The following TEX101 variants were observed in gnomAD, a reference collection of about 807,000 sequenced individuals.
TEX101 encodes testis expressed 101, also known as testis-expressed protein 101.
In TEX101, 10 loss-of-function variants were observed where a neutral mutation model predicts 18.1. The observed-to-expected ratio is 0.55, with a 90% confidence interval of 0.34 to 0.94. The LOEUF is 0.94. Ranked by LOEUF, TEX101 falls within the 40% of genes least tolerant of loss-of-function variation. The pLI is 0.02. For synonymous variants in TEX101, 94 were observed against 114.8 expected (o/e 0.82, Z 1.16); for missense variants, 259 against 298.9 (o/e 0.87, Z 0.98).
At chr19:43,406,677 G>A (rs1970366891) in intron 3 of TEX101, among the ~76,000 whole-genome samples, 1 of 152,170 alleles carries the variant, frequency 6.6e-6, no homozygotes. Context: ...GGGAGACTGG[G>A]ACACACGTCT....
upstream of TEX101, among the ~76,000 whole-genome samples, chr19:43,410,463 G>A (rs1970408676): frequency 6.6e-6 from 1 of 152,108 alleles, no homozygotes; most frequent in South Asian, 2.1e-4. Flanking sequence ...CAAGACCAGT[G>A]TGGGAGGTTG....
At chr19:43,414,013 A>G (rs992363052), upstream of TEX101, among the ~76,000 whole-genome samples, 1 of 151,836 alleles carries the variant, frequency 6.6e-6, no homozygotes, top group Non-Finnish European at 1.5e-5. Flanking sequence ...AATCCCAGCT[A>G]CCTGGGAGGC....
chr19:43,393,145 G>C, the TEX101 span, among the ~76,000 whole-genome samples: 1 of 142,766 alleles, frequency 7.0e-6, no homozygotes, highest in African/African-American at 2.7e-5. Context: ...TTGGTAGAGA[G>C]ACAAAGACAG....
chr19:43,388,788 T>C, the TEX101 span, among the ~76,000 whole-genome samples: 1 of 152,358 alleles, frequency 6.6e-6, no homozygotes, highest in Non-Finnish European at 1.5e-5. Flanking sequence ...TTTGGCTTAA[T>C]GCTTACTCAG....
upstream of TEX101, among the ~76,000 whole-genome samples, chr19:43,412,256 G>GAGA: frequency 6.6e-6 from 1 of 152,304 alleles, no homozygotes; most frequent in Non-Finnish European, 1.5e-5. Context: ...ATGCAGGCCA[G>GAGA]AGAAGGGGAG....
At chr19:43,397,830 T>A (rs1413747842), upstream of TEX101, among the ~76,000 whole-genome samples, 2 of 115,170 alleles carry the variant, frequency 1.7e-5, no homozygotes, top group African/African-American at 6.5e-5. Context: ...TATAAAAATA[T>A]ATATTTTATA....
upstream of TEX101, among the ~76,000 whole-genome samples, chr19:43,400,003 C>T (rs928833663): frequency 6.6e-6 from 1 of 151,992 alleles, no homozygotes; most frequent in Non-Finnish European, 1.5e-5. Context: ...TTAGTAAAGA[C>T]AGGGTTTCAC....
upstream of TEX101, among the ~76,000 whole-genome samples, chr19:43,401,225 T>G (rs1438872990): frequency 6.6e-6 from 1 of 152,166 alleles, no homozygotes; most frequent in African/African-American, 2.4e-5. Flanking sequence ...CTGTTAAAAG[T>G]TTTCACACAC....
intron 1 of TEX101, among the ~76,000 whole-genome samples, chr19:43,415,448 C>T (rs550761035): frequency 2.0e-5 from 3 of 152,156 alleles, no homozygotes; most frequent in South Asian, 4.2e-4. Flanking sequence ...CTTTAGAAGT[C>T]GTGGTCATAT....
intron 1 of TEX101, among the ~76,000 whole-genome samples, chr19:43,401,931 A>G (rs1257584553): frequency 6.6e-6 from 1 of 152,236 alleles, no homozygotes; most frequent in Non-Finnish European, 1.5e-5. Context: ...TGTGCAACAC[A>G]GTGCAGTATA....
At chr19:43,397,323 C>G (rs1332800178), upstream of TEX101, among the ~76,000 whole-genome samples, 1 of 152,108 alleles carries the variant, frequency 6.6e-6, no homozygotes. Flanking sequence ...GGCCTTTGCA[C>G]TTGCTGTCCT....
upstream of TEX101, among the ~76,000 whole-genome samples, chr19:43,412,361 G>A (rs1481475900): frequency 6.6e-6 from 1 of 152,172 alleles, no homozygotes; most frequent in Non-Finnish European, 1.5e-5. Context: ...AAGTCATGAA[G>A]GATCTGCCCC....
At chr19:43,396,796 G>A (rs1339297964), upstream of TEX101, among the ~76,000 whole-genome samples, 1 of 146,936 alleles carries the variant, frequency 6.8e-6, no homozygotes, top group East Asian at 2.0e-4. Context: ...CTCAAATTCT[G>A]TGGGGCAGGA....
upstream of TEX101, among the ~76,000 whole-genome samples, chr19:43,410,217 C>A (rs1970406351): frequency 6.6e-6 from 1 of 152,098 alleles, no homozygotes; most frequent in Non-Finnish European, 1.5e-5. Context: ...AAAAAGGGAG[C>A]TGCACGATGC....
upstream of TEX101, among the ~76,000 whole-genome samples, chr19:43,398,451 T>G (rs1349101075): frequency 6.6e-6 from 1 of 151,236 alleles, no homozygotes; most frequent in African/African-American, 2.4e-5. Flanking sequence ...AATTTTTGTA[T>G]TTTTAGTAGA....
chr19:43,400,361 GA>G (rs1335166433), upstream of TEX101, among the ~76,000 whole-genome samples: 2 of 152,178 alleles, frequency 1.3e-5, no homozygotes, highest in Non-Finnish European at 1.5e-5. Flanking sequence ...TTTAGAAAAA[GA>G]AATGCTTTTC....
At chr19:43,390,242 G>A in the TEX101 span, among the ~76,000 whole-genome samples, 1 of 152,072 alleles carries the variant, frequency 6.6e-6, no homozygotes, top group Non-Finnish European at 1.5e-5. Context: ...GTGCAGGCAT[G>A]AAGAGCCTGT....
chr19:43,388,840 G>A, the TEX101 span, among the ~76,000 whole-genome samples: 2 of 152,274 alleles, frequency 1.3e-5, no homozygotes, highest in East Asian at 1.9e-4. Context: ...TGTGAGGGGG[G>A]TTTCTGGGCT....
chr19:43,399,647 C>A (rs1402741185), upstream of TEX101, among the ~76,000 whole-genome samples: 1 of 151,964 alleles, frequency 6.6e-6, no homozygotes, highest in Admixed American at 6.6e-5. Flanking sequence ...TAGCAACCTC[C>A]AAAGTAAACT....
Sources: gnomAD v4.1 joint callset for allele counts (sites outside exome capture counted in the v4.1 genomes callset) on GRCh38, gnomAD v4.1.1 for gene constraint, MANE v1.5 for transcripts, NCBI Gene and HGNC (gene_info 2026-07-23, HGNC 2026-07-21) for gene names.